The following CACNA1D variants were observed in gnomAD, a reference collection of about 807,000 sequenced individuals.
CACNA1D encodes calcium voltage-gated channel subunit alpha1 D.
A neutral mutation model predicts 257.1 loss-of-function variants in CACNA1D; 55 were observed. The observed-to-expected ratio is 0.21, with a 90% CI of 0.17 to 0.27. CACNA1D has a LOEUF of 0.27. Among genes scored for constraint, CACNA1D ranks in the 10% least tolerant of loss-of-function variants. The pLI is 1.00. For missense variants in CACNA1D, 1,876 were observed against 2,784.0 expected, an observed-to-expected ratio of 0.67 and a Z score of 7.34; for synonymous variants, 980 against 1,014.9, an observed-to-expected ratio of 0.97 and a Z score of 0.65.
At chr3:53,600,816 C>T (rs1247344879) in intron 3 of CACNA1D, among the ~76,000 whole-genome samples, 3 of 151,934 alleles carry the variant, frequency 2.0e-5, no homozygotes, top group Non-Finnish European at 4.4e-5. Flanking sequence ...ATAAAAATAC[C>T]TCCCCTCTTT....
chr3:53,583,933 A>G (rs1575971172), intron 3 of CACNA1D, among the ~76,000 whole-genome samples: 1 of 152,138 alleles, frequency 6.6e-6, no homozygotes, highest in Non-Finnish European at 1.5e-5. Flanking sequence ...GAGGACATTG[A>G]CTTTCTACAG....
At chr3:53,680,625 C>G (rs2094421319) in intron 8 of CACNA1D, among the ~76,000 whole-genome samples, 1 of 152,164 alleles carries the variant, frequency 6.6e-6, no homozygotes, top group Non-Finnish European at 1.5e-5. Flanking sequence ...CATGCACAGA[C>G]CCAGCTCTTT....
Position 53,691,875 on chromosome 3 carries a change from C to CAT in CACNA1D, c.1221-10762_1221-10761dup, listed in dbSNP as rs1253857806. Among the ~76,000 whole-genome samples the CAT allele has an allele frequency of 1.5e-4, 8 of 51,850 alleles. No homozygotes were observed. In the East Asian group the frequency reaches 3.5e-3, roughly 23 times the overall value. 34.0% of individuals were successfully genotyped at this position (51,850 alleles called of 152,430 possible). A position where few individuals can be genotyped will look rare whatever the true frequency, so the allele number is the denominator to read the frequency against. ...TATATAATATATATTATATATATTA[C>CAT]ATATAATATATATTATATATATTAC... On this transcript the variant is annotated intron_variant, in intron 8 of 47. Transcript: ENST00000350061.
intron 3 of CACNA1D, among the ~76,000 whole-genome samples, chr3:53,596,300 G>T (rs1372501213): frequency 1.3e-5 from 2 of 152,078 alleles, no homozygotes; most frequent in Non-Finnish European, 2.9e-5. Context: ...CTGCATGTGT[G>T]TGCATGTGCA....
intron 3 of CACNA1D, among the ~76,000 whole-genome samples, chr3:53,588,884 T>C (rs2093261274): frequency 6.6e-6 from 1 of 152,214 alleles, no homozygotes; most frequent in African/African-American, 2.4e-5. Context: ...TCTTCTCAAG[T>C]ACAAGAATGA....
At chr3:53,647,102 T>A (rs1417427956) in intron 3 of CACNA1D, among the ~76,000 whole-genome samples, 1 of 152,174 alleles carries the variant, frequency 6.6e-6, no homozygotes, top group African/African-American at 2.4e-5. Context: ...CTCTAGTGGC[T>A]TGAGTTCTCG....
rs765346661 is a variant in CACNA1D, at chr3:53,805,510, C to G, written c.5749+364C>G. 1.3e-4 allele frequency among the ~76,000 whole-genome samples: 20 copies of G among 152,280 alleles called. 1 individual carries two copies. The highest frequency in any genetic ancestry group is 9.8e-4 in the Admixed American group (15 of 15,302). On this transcript the variant is annotated intron_variant, in intron 45 of 47. Coordinates refer to ENST00000350061, the MANE Select transcript of CACNA1D (RefSeq NM_001128840.3). The stretch of plus-strand genomic sequence containing the variant: ...ACACATGCTTTTGCTGTTGTCAGCC[C>G]TGCTGCACTCTGTGATGGGGTGACT...
intron 20 of CACNA1D, 21 bp from the exon 21 acceptor site, chr3:53,740,259 C>T: frequency 2.5e-6 from 4 of 1,580,680 alleles, no homozygotes; most frequent in African/African-American, 1.3e-5. Context: ...TTTTCTCACT[C>T]CCACATGTTG....
At chr3:53,570,842 A>G (rs1243591035) in intron 3 of CACNA1D, among the ~76,000 whole-genome samples, 2 of 152,256 alleles carry the variant, frequency 1.3e-5, no homozygotes, top group African/African-American at 4.8e-5. Flanking sequence ...AAGGCTAAAA[A>G]TGGTCAAGGA....
intron 9 of CACNA1D, among the ~76,000 whole-genome samples, chr3:53,711,707 G>T (rs534027452): frequency 1.3e-5 from 2 of 152,214 alleles, no homozygotes; most frequent in Admixed American, 6.5e-5. Context: ...GTTATGGGAC[G>T]CAGATGGGAA....
At chr3:53,592,877 C>G (rs984101635) in intron 3 of CACNA1D, among the ~76,000 whole-genome samples, 3 of 152,004 alleles carry the variant, frequency 2.0e-5, no homozygotes, top group African/African-American at 7.2e-5. Context: ...TTAGTAGAGA[C>G]GGGGTTTTGC....
intron 3 of CACNA1D, among the ~76,000 whole-genome samples, chr3:53,615,157 C>T (rs1315392452): frequency 6.6e-6 from 1 of 152,070 alleles, no homozygotes; most frequent in Non-Finnish European, 1.5e-5. Context: ...TTTTATGTGT[C>T]CCCTGCTCTC....
At chr3:53,653,625 G>A (rs1228006458) in intron 4 of CACNA1D, among the ~76,000 whole-genome samples, 2 of 152,028 alleles carry the variant, frequency 1.3e-5, no homozygotes, top group Non-Finnish European at 2.9e-5. Context: ...AAAATATCAG[G>A]GAATTTGAAC....
chr3:53,523,938 T>C (rs1281964278), intron 3 of CACNA1D, among the ~76,000 whole-genome samples: 1 of 152,244 alleles, frequency 6.6e-6, no homozygotes, highest in Non-Finnish European at 1.5e-5. Flanking sequence ...TTGTCTCTTA[T>C]CACTACTCAA....
chr3:53,739,628 A>AT (rs1189834494), intron 20 of CACNA1D, among the ~76,000 whole-genome samples: 2 of 152,108 alleles, frequency 1.3e-5, no homozygotes, highest in Non-Finnish European at 2.9e-5. Flanking sequence ...TTTAAAAAAA[A>AT]CCCTGAGTTT....
chr3:53,566,868 CT>C (rs1423821626), intron 3 of CACNA1D, among the ~76,000 whole-genome samples: 2 of 152,244 alleles, frequency 1.3e-5, no homozygotes, highest in Admixed American at 6.5e-5. Flanking sequence ...GTCTTAAGTT[CT>C]TTCCCTACTG....
chr3:53,589,515 C>T (rs189139610), intron 3 of CACNA1D, among the ~76,000 whole-genome samples: 204 of 152,316 alleles, frequency 1.3e-3, no homozygotes, highest in African/African-American at 4.8e-3. Context: ...ATAAGCCAAA[C>T]CCCTTGCCGA....
intron 14 of CACNA1D, 94 bp from the exon 15 acceptor site, chr3:53,726,785 C>A: frequency 1.3e-6 from 2 of 1,541,222 alleles, no homozygotes; most frequent in Non-Finnish European, 1.8e-6. Context: ...TGAAAGGCAG[C>A]TTAAACCAGA....
intron 5 of CACNA1D, among the ~76,000 whole-genome samples, chr3:53,660,796 T>TTCACCTG (rs150047230): frequency 0.021 from 3,176 of 152,290 alleles, 105 homozygotes; most frequent in African/African-American, 0.072. Context: ...GGATGAATGC[T>TTCACCTG]TCTTACCTGG....
Sources: allele counts gnomAD v4.1 joint callset (sites outside exome capture counted in the v4.1 genomes callset), GRCh38; gene constraint gnomAD v4.1.1; transcripts MANE v1.5; gene names NCBI Gene and HGNC (gene_info 2026-07-23, HGNC 2026-07-21).